Variants in LGR6 observed in about 807,000 individuals in gnomAD.
LGR6 encodes leucine-rich repeat-containing G protein-coupled receptor 6.
Under a neutral mutation model 69.4 loss-of-function variants are expected in LGR6, and 45 were observed. The observed-to-expected ratio is 0.65, with a 90% CI of 0.51 to 0.83. The LOEUF (loss-of-function observed/expected upper bound fraction) is 0.83. Among genes scored for constraint, LGR6 ranks in the 40% least tolerant of loss-of-function variants. The pLI is 0.00. For synonymous variants in LGR6, 538 were observed against 555.0 expected (o/e 0.97, Z 0.43); for missense variants, 1,108 against 1,246.7 (o/e 0.89, Z 1.68).
intron 4 of LGR6, among the ~76,000 whole-genome samples, chr1:202,236,834 G>A (rs970972469): frequency 2.0e-5 from 3 of 152,096 alleles, no homozygotes; most frequent in African/African-American, 7.2e-5. Context: ...CAGTGTGTCC[G>A]AACAAAGGCC....
At chr1:202,208,460 T>C (rs1659339589) in intron 1 of LGR6, among the ~76,000 whole-genome samples, 1 of 151,804 alleles carries the variant, frequency 6.6e-6, no homozygotes, top group South Asian at 2.1e-4. Flanking sequence ...GACTGTGATG[T>C]GAGGGAGGTG....
chr1:202,303,256 G>C (rs374169771), intron 9 of LGR6, 23 bp from the exon 10 acceptor site: 1 of 1,599,664 alleles, frequency 6.3e-7, no homozygotes. Context: ...CCACCCCTCA[G>C]AGCTCATTGT....
At chr1:202,238,976 A>C (rs530916939) in intron 4 of LGR6, among the ~76,000 whole-genome samples, 3 of 151,810 alleles carry the variant, frequency 2.0e-5, no homozygotes, top group African/African-American at 4.8e-5. Context: ...GCTGAGGCGT[A>C]AAATGGCGTC....
intron 1 of LGR6, among the ~76,000 whole-genome samples, chr1:202,219,268 G>A (rs1185934481): frequency 1.3e-5 from 2 of 152,138 alleles, no homozygotes; most frequent in Admixed American, 6.5e-5. Context: ...GCCAAACCAC[G>A]AGCTGTCTCC....
intron 1 of LGR6, among the ~76,000 whole-genome samples, chr1:202,207,321 G>A (rs1369707273): frequency 6.6e-5 from 10 of 152,184 alleles, no homozygotes. Context: ...GGGGAGATGA[G>A]GCAGCCTTTG....
intron 4 of LGR6, among the ~76,000 whole-genome samples, chr1:202,240,208 A>G (rs1251072682): frequency 1.3e-5 from 2 of 152,148 alleles, no homozygotes; most frequent in East Asian, 3.9e-4. Flanking sequence ...CCCCGTCTCT[A>G]CTAAAAATTC....
intron 1 of LGR6, among the ~76,000 whole-genome samples, chr1:202,221,907 A>G (rs1396496348): frequency 6.6e-6 from 1 of 152,008 alleles, no homozygotes; most frequent in Admixed American, 6.6e-5. Context: ...AACCAGCTGC[A>G]CAACCAACCT....
chr1:202,218,061 A>G (rs1329518787), intron 1 of LGR6, among the ~76,000 whole-genome samples: 1 of 152,236 alleles, frequency 6.6e-6, no homozygotes, highest in East Asian at 1.9e-4. Flanking sequence ...AGAAGGTGCC[A>G]TCTAAAGTGG....
intron 4 of LGR6, among the ~76,000 whole-genome samples, chr1:202,265,313 G>A (rs1221008046): frequency 6.6e-6 from 1 of 152,194 alleles, no homozygotes; most frequent in Non-Finnish European, 1.5e-5. Flanking sequence ...CGACTCCCCA[G>A]AGTTGTCACT....
chr1:202,288,399 T>C (rs1286197815), intron 6 of LGR6, among the ~76,000 whole-genome samples: 2 of 152,254 alleles, frequency 1.3e-5, no homozygotes, highest in African/African-American at 2.4e-5. Flanking sequence ...TGTTCACTTT[T>C]GTCTTTGCAG....
At chr1:202,286,683 T>C (rs1666415623) in intron 6 of LGR6, among the ~76,000 whole-genome samples, 1 of 152,214 alleles carries the variant, frequency 6.6e-6, no homozygotes, top group Non-Finnish European at 1.5e-5. Context: ...GTTTATTAGC[T>C]GCAAATTTGT....
chr1:202,211,096 A>G (rs764294123), intron 1 of LGR6, among the ~76,000 whole-genome samples: 1 of 152,226 alleles, frequency 6.6e-6, no homozygotes, highest in Non-Finnish European at 1.5e-5. Flanking sequence ...ACTGGGGCCA[A>G]TGGCCAGTTA....
intron 4 of LGR6, among the ~76,000 whole-genome samples, chr1:202,241,992 A>G (rs1201247621): frequency 6.6e-6 from 1 of 152,100 alleles, no homozygotes; most frequent in African/African-American, 2.4e-5. Flanking sequence ...TCCAAAACAG[A>G]TTGGTTGCCT....
chr1:202,276,514 G>A lies in LGR6; in HGVS notation c.637G>A (p.Val213Met), dbSNP rs763476493. 1 of 1,612,772 alleles carries A rather than the reference G, an allele frequency of 6.2e-7. No homozygotes were observed. The highest frequency in any genetic ancestry group is 8.5e-7 in the Non-Finnish European group (1 of 1,179,238). The change falls in exon 5 of 18, where the codon GTG (valine) becomes ATG (methionine). Residue 213 changes from valine to methionine, a missense_variant. Physicochemically the swap from Val to Met is conservative, Grantham distance 21 (BLOSUM62 1). Transcript: ENST00000367278. ...CGCGTTCCAGAATCTCACCAGCCTT[G>A]TGGTGCTGTGAGTGCTGCTCTGTTC... ...DYAFQNLTSL[V>M]VLHLHNNRIQ...
chr1:202,271,808 C>CAA (rs754922941), intron 4 of LGR6, among the ~76,000 whole-genome samples: 1,709 of 88,220 alleles, frequency 0.019, 29 homozygotes, highest in African/African-American at 0.035. Flanking sequence ...AACTCTGTCT[C>CAA]AAAAAAAAAA....
intron 6 of LGR6, among the ~76,000 whole-genome samples, chr1:202,290,706 C>G (rs1666734780): frequency 6.6e-6 from 1 of 152,140 alleles, no homozygotes; most frequent in Non-Finnish European, 1.5e-5. Flanking sequence ...AACCCCATCT[C>G]TACTAAAAAT....
chr1:202,276,406 A>G lies in LGR6; in HGVS notation c.529A>G (p.Ile177Val), dbSNP rs1301067417. 6.2e-7 allele frequency: 1 copy of G among 1,613,950 alleles called. No individual in the cohort carries two copies. The highest frequency in any genetic ancestry group is 8.5e-7 in the Non-Finnish European group (1 of 1,180,016). ...LWLDDNALTEIPVRALNNLPA... is the reference protein window; with the variant it reads ...LWLDDNALTEVPVRALNNLPA... ...GCTGGACGACAATGCACTCACGGAG[A>G]TCCCTGTCAGGGCCCTCAACAACCT... The change falls in exon 5 of 18, where the codon ATC becomes GTC. Residue 177 changes from isoleucine to valine, a missense_variant. Coordinates refer to ENST00000367278, the MANE Select transcript of LGR6 (RefSeq NM_001017403.2).
At chr1:202,302,791 C>T (rs1321504192) in intron 9 of LGR6, among the ~76,000 whole-genome samples, 1 of 152,114 alleles carries the variant, frequency 6.6e-6, no homozygotes, top group African/African-American at 2.4e-5. Flanking sequence ...AGGTGATCCG[C>T]CCGCCTCGGC....
At chr1:202,241,514 C>T (rs1467262226) in intron 4 of LGR6, among the ~76,000 whole-genome samples, 1 of 152,238 alleles carries the variant, frequency 6.6e-6, no homozygotes, top group Admixed American at 6.5e-5. Context: ...AGCTCCACAA[C>T]ACCCTCCTCC....
Sources: allele counts gnomAD v4.1 joint callset (sites outside exome capture counted in the v4.1 genomes callset), GRCh38; gene constraint gnomAD v4.1.1; transcripts MANE v1.5; gene names NCBI Gene and HGNC (gene_info 2026-07-23, HGNC 2026-07-21).